The following CERKL variants were observed in gnomAD, a reference collection of about 807,000 sequenced individuals.
The protein encoded by CERKL is ceramide kinase-like protein.
In CERKL, 61 loss-of-function variants were observed where a neutral mutation model predicts 63.4. The ratio of observed to expected loss-of-function variants is 0.96; its 90% CI spans 0.78 to 1.19. The LOEUF (loss-of-function observed/expected upper bound fraction) is 1.19. Among genes scored for constraint, CERKL ranks in the 50% most tolerant of loss-of-function variants. The pLI is 0.00. For missense variants in CERKL, 675 were observed against 655.5 expected (o/e 1.03, Z -0.33); for synonymous variants, 250 against 230.5 (o/e 1.08, Z -0.77).
intron 5 of CERKL, 115 bp from the exon 6 acceptor site, chr2:181,549,823 A>G: frequency 2.6e-6 from 2 of 767,126 alleles, no homozygotes; most frequent in Non-Finnish European, 2.3e-6. Flanking sequence ...ATAAACGAGA[A>G]TTTATAAAAT....
intron 5 of CERKL, among the ~76,000 whole-genome samples, chr2:181,554,541 C>CA (rs1688125727): frequency 6.6e-6 from 1 of 152,110 alleles, no homozygotes; most frequent in South Asian, 2.1e-4. Context: ...TATGTCCTCT[C>CA]AGGCTTTTTT....
chr2:181,588,269 C>T (rs1425210272), intron 2 of CERKL, among the ~76,000 whole-genome samples: 2 of 152,168 alleles, frequency 1.3e-5, no homozygotes, highest in African/African-American at 2.4e-5. Context: ...CAGCCTATCG[C>T]ATACCCCTGG....
Position 181,603,843 on chromosome 2 carries a change from A to G in CERKL, c.475T>C (p.Leu159=), listed in dbSNP as rs1574489297. 1 of 1,613,358 alleles carries G rather than the reference A, an allele frequency of 6.2e-7. No individual in the cohort carries two copies. Reference sequence around the variant, plus strand: ...TCCCATGAGGAGTACTTACCTGCCAATATTTTCTTGAACTGTCTAAACCAT... The same window carrying G: ...TCCCATGAGGAGTACTTACCTGCCAGTATTTTCTTGAACTGTCTAAACCAT... ...DIWFRQFKKI[L]AGFPNRPKSL... The change falls in exon 2 of 13, where the codon TTG becomes CTG. Residue 159 remains leucine, a synonymous_variant. Coordinates refer to ENST00000410087, the MANE Select transcript of CERKL (RefSeq NM_201548.5).
chr2:181,591,119 T>C (rs1301758350), intron 2 of CERKL, among the ~76,000 whole-genome samples: 1 of 152,176 alleles, frequency 6.6e-6, no homozygotes, highest in Admixed American at 6.6e-5. Flanking sequence ...ATTTCCAGTA[T>C]ATGCTGTTAA....
Position 181,558,593 on chromosome 2 carries a change from G to A in CERKL, c.793C>T (p.Gln265Ter), listed in dbSNP as rs1269787346. 6.2e-7 allele frequency: 1 copy of A among 1,613,714 alleles called. No individual in the cohort carries two copies. The highest frequency in any genetic ancestry group is 2.2e-5 in the East Asian group (1 of 44,844). The change falls in exon 5 of 13, where the codon CAG (glutamine) becomes TAG (stop). Residue 265 changes from glutamine to a stop codon, truncating the protein, a stop_gained. Coordinates refer to ENST00000410087, the MANE Select transcript of CERKL (RefSeq NM_201548.5). LOFTEE classifies it high-confidence loss of function. The surrounding 1 kb of genome is among the most constrained non-coding windows in gnomAD (Gnocchi z 4.2). ...TDRILTPVRA[Q>*]LPLGLIPAGS... Reference sequence around the variant, plus strand: ...GCTGGTATTAAGCCAAGTGGAAGCTGTGCTCTGACAGGAGTCAGGATTCGG... The same window carrying A: ...GCTGGTATTAAGCCAAGTGGAAGCTATGCTCTGACAGGAGTCAGGATTCGG...
In CERKL at chr2:181,603,830, T is replaced by C; in HGVS notation, c.481+7A>G. On this transcript the variant is annotated splice_region_variant and intron_variant, in intron 2 of 12. Transcript: ENST00000410087. Reference sequence around the variant, plus strand: ...GCTGATTAAAATTTCCCATGAGGAGTACTTACCTGCCAATATTTTCTTGAA... The same window carrying C: ...GCTGATTAAAATTTCCCATGAGGAGCACTTACCTGCCAATATTTTCTTGAA... 1 of 1,613,024 alleles carries C rather than the reference T, an allele frequency of 6.2e-7. No homozygotes were observed. The highest frequency in any genetic ancestry group is 8.5e-7 in the Non-Finnish European group (1 of 1,179,340).
chr2:181,619,554 G>C (rs1686359031), intron 1 of CERKL, among the ~76,000 whole-genome samples: 1 of 152,024 alleles, frequency 6.6e-6, no homozygotes, highest in South Asian at 2.1e-4. Context: ...CACAGGCTAG[G>C]CTTCCAATAA....
intron 5 of CERKL, among the ~76,000 whole-genome samples, chr2:181,551,788 A>G (rs1040721580): frequency 6.6e-6 from 1 of 152,144 alleles, no homozygotes; most frequent in Admixed American, 6.6e-5. Flanking sequence ...AATTTTATAT[A>G]ATATTTAAAA....
At position 181,558,543 on chromosome 2, in the gene CERKL, T is replaced by A. The variant is rs368210950; in HGVS notation, c.820+23A>T. The stretch of plus-strand genomic sequence containing the variant: ...AAAAGAGGGAGAAGGGTCAGTTTAA[T>A]GAATCTGTAGCCACTCCCTTGCCTG... On this transcript the variant is annotated intron_variant, in intron 5 of 12. Transcript: ENST00000410087. The surrounding 1 kb of genome is among the most constrained non-coding windows in gnomAD (Gnocchi z 4.2). 2 of 1,612,110 alleles carry A rather than the reference T, an allele frequency of 1.2e-6. No homozygotes were observed. The highest frequency in any genetic ancestry group is 1.7e-6 in the Non-Finnish European group (2 of 1,179,156).
chr2:181,596,039 GA>G (rs1685194056), intron 2 of CERKL, among the ~76,000 whole-genome samples: 1 of 152,126 alleles, frequency 6.6e-6, no homozygotes, highest in Middle Eastern at 3.2e-3. Flanking sequence ...ACATTTTACT[GA>G]AAATGTTTAG....
intron 2 of CERKL, among the ~76,000 whole-genome samples, chr2:181,589,575 A>G (rs1684902454): frequency 6.6e-6 from 1 of 152,230 alleles, no homozygotes; most frequent in Non-Finnish European, 1.5e-5. Flanking sequence ...TGGGACAAAG[A>G]TGGACTTTTC....
intron 1 of CERKL, among the ~76,000 whole-genome samples, chr2:181,636,272 A>T (rs1426821743): frequency 6.6e-6 from 1 of 152,156 alleles, no homozygotes; most frequent in Non-Finnish European, 1.5e-5. Flanking sequence ...TAGAAATCTC[A>T]CCATCACCAT....
intron 4 of CERKL, among the ~76,000 whole-genome samples, chr2:181,560,931 G>A (rs1002330515): frequency 6.6e-6 from 1 of 152,040 alleles, no homozygotes; most frequent in African/African-American, 2.4e-5. Flanking sequence ...ACTCAACCTA[G>A]GAAATAAGTT....
chr2:181,550,876 T>G lies in CERKL; in HGVS notation c.821-1168A>C, dbSNP rs1687955000. Among the ~76,000 whole-genome samples the G allele has an allele frequency of 6.6e-5, 10 of 152,246 alleles. No homozygotes were observed. In the South Asian group the frequency reaches 2.1e-3, roughly 32 times the overall value. ...CTAGTAATACCAGTGCAAAGAAAAG[T>G]TTATTTTAACTAAATGGCAAACTGG... is the stretch of plus-strand genomic sequence containing the variant. On this transcript the variant is annotated intron_variant, in intron 5 of 12. Transcript: ENST00000410087. This position sits in a 1 kb window ranked among gnomAD's most constrained non-coding sequence, Gnocchi z 4.5.
At chr2:181,623,369 T>C (rs1019371092) in intron 1 of CERKL, among the ~76,000 whole-genome samples, 6 of 152,168 alleles carry the variant, frequency 3.9e-5, no homozygotes, top group African/African-American at 1.4e-4. Flanking sequence ...AAATGGATAA[T>C]GGGTTTTATG....
At chr2:181,620,159 C>T (rs75478697) in intron 1 of CERKL, among the ~76,000 whole-genome samples, 85 of 152,240 alleles carry the variant, frequency 5.6e-4, no homozygotes, top group African/African-American at 2.0e-3. Flanking sequence ...AGATGTAAAC[C>T]ACAATGATGG....
intron 2 of CERKL, among the ~76,000 whole-genome samples, chr2:181,591,727 G>A (rs1684997929): frequency 1.3e-5 from 2 of 152,266 alleles, no homozygotes; most frequent in Non-Finnish European, 2.9e-5. Flanking sequence ...GAAGAATCTT[G>A]TAGGATTGGA....
intron 4 of CERKL, among the ~76,000 whole-genome samples, chr2:181,562,436 C>G (rs1370265615): frequency 6.6e-6 from 1 of 152,124 alleles, no homozygotes; most frequent in Non-Finnish European, 1.5e-5. Flanking sequence ...ATATTTGGCT[C>G]AAAATAAACC....
At chr2:181,604,546 C>T (rs1018338519) in intron 1 of CERKL, among the ~76,000 whole-genome samples, 2 of 152,090 alleles carry the variant, frequency 1.3e-5, no homozygotes, top group Non-Finnish European at 2.9e-5. Context: ...CTACAACATT[C>T]GACATCTGAG....
Sources: allele counts gnomAD v4.1 joint callset (sites outside exome capture counted in the v4.1 genomes callset), GRCh38; gene constraint gnomAD v4.1.1; non-coding constraint Gnocchi (gnomAD v3.1); transcripts MANE v1.5; gene names NCBI Gene and HGNC (gene_info 2026-07-23, HGNC 2026-07-21).